ANXA4: variants seen among roughly 807,000 people sequenced by gnomAD.
The protein encoded by ANXA4 is annexin A4, also known as 35-beta calcimedin.
A neutral mutation model predicts 49.8 loss-of-function variants in ANXA4; 39 were observed. The observed-to-expected ratio is 0.78, with a 90% CI of 0.61 to 1.02. The LOEUF (loss-of-function observed/expected upper bound fraction) is 1.02, where lower values mean the gene tolerates loss of function less well. Ranked by LOEUF, ANXA4 falls within the 50% of genes least tolerant of loss-of-function variation. The pLI, the probability that ANXA4 is intolerant of heterozygous loss-of-function variation, is 0.00. For synonymous variants in ANXA4, 134 were observed against 152.5 expected, an observed-to-expected ratio of 0.88 and a Z score of 0.89; for missense variants, 360 against 410.1, an observed-to-expected ratio of 0.88 and a Z score of 1.05.
At chr2:69,741,441 C>G (rs779230900), upstream of ANXA4, among the ~76,000 whole-genome samples, 1 of 152,198 alleles carries the variant, frequency 6.6e-6, no homozygotes, top group Non-Finnish European at 1.5e-5. Flanking sequence ...AGTGTCTAAA[C>G]TTTAGTCACT....
chr2:69,678,687 G>A (rs1407265379), intron 2 of ANXA4, among the ~76,000 whole-genome samples: 2 of 151,992 alleles, frequency 1.3e-5, no homozygotes, highest in Non-Finnish European at 2.9e-5. Flanking sequence ...ATGAGCCACC[G>A]TGCCCAGCCC....
intron 2 of ANXA4, among the ~76,000 whole-genome samples, chr2:69,653,867 C>T (rs1676341678): frequency 6.6e-6 from 1 of 152,204 alleles, no homozygotes; most frequent in Admixed American, 6.5e-5. Flanking sequence ...CTATACATTA[C>T]TTTGGGCAGT....
At chr2:69,680,436 T>C (rs1677556157) in intron 2 of ANXA4, among the ~76,000 whole-genome samples, 1 of 152,194 alleles carries the variant, frequency 6.6e-6, no homozygotes, top group Non-Finnish European at 1.5e-5. Flanking sequence ...TATAAGATCA[T>C]GTCATCTGCA....
intron 2 of ANXA4, among the ~76,000 whole-genome samples, chr2:69,688,028 A>C (rs536739752): frequency 2.0e-5 from 3 of 152,306 alleles, no homozygotes; most frequent in Admixed American, 2.0e-4. Context: ...TCATTATTTA[A>C]ATTTTCCCAT....
intron 2 of ANXA4, among the ~76,000 whole-genome samples, chr2:69,718,336 C>T (rs1559107113): frequency 6.6e-6 from 1 of 152,214 alleles, no homozygotes; most frequent in Non-Finnish European, 1.5e-5. Flanking sequence ...CACCCCCACC[C>T]TCTGGATGTT....
intron 6 of ANXA4, 127 bp from the exon 7 acceptor site, chr2:69,810,467 G>GA (rs1250761869): frequency 1.1e-5 from 8 of 739,068 alleles, no homozygotes; most frequent in East Asian, 2.6e-5. Flanking sequence ...TGTGTGGGGT[G>GA]AAAAAACCTC....
intron 2 of ANXA4, among the ~76,000 whole-genome samples, chr2:69,710,491 T>G (rs1678642204): frequency 6.6e-6 from 1 of 151,666 alleles, no homozygotes; most frequent in South Asian, 2.1e-4. Flanking sequence ...TAAGTAACAT[T>G]GATATGGAAA....
chr2:69,701,581 AG>A (rs796572181), intron 2 of ANXA4, among the ~76,000 whole-genome samples: 30 of 152,230 alleles, frequency 2.0e-4, no homozygotes, highest in African/African-American at 7.2e-4. Context: ...CACTGTATGG[AG>A]GTATGTATTT....
chr2:69,716,614 C>T (rs187080530), intron 2 of ANXA4, among the ~76,000 whole-genome samples: 6 of 152,216 alleles, frequency 3.9e-5, no homozygotes, highest in African/African-American at 1.4e-4. Context: ...CATGCTCAAG[C>T]TCGTTTTGAG....
At chr2:69,803,075 C>T (rs1200301197) in intron 3 of ANXA4, among the ~76,000 whole-genome samples, 2 of 151,774 alleles carry the variant, frequency 1.3e-5, no homozygotes. Context: ...GTGGCAGGCA[C>T]CTGTAATCCC....
At chr2:69,804,154 AAAAAAT>A (rs1673336849) in intron 3 of ANXA4, among the ~76,000 whole-genome samples, 1 of 151,464 alleles carries the variant, frequency 6.6e-6, no homozygotes, top group African/African-American at 2.4e-5. Context: ...AAAAAAAAAA[AAAAAAT>A]ATTCTAGAGG....
At chr2:69,785,122 T>C (rs1020263203) in intron 2 of ANXA4, among the ~76,000 whole-genome samples, 3 of 152,130 alleles carry the variant, frequency 2.0e-5, no homozygotes, top group African/African-American at 7.2e-5. Flanking sequence ...GTCAGACATA[T>C]AGAGGGTGAT....
chr2:69,814,631 G>A (rs1328439581), intron 8 of ANXA4, among the ~76,000 whole-genome samples: 2 of 152,086 alleles, frequency 1.3e-5, no homozygotes, highest in Non-Finnish European at 2.9e-5. Flanking sequence ...TTACAGGCAT[G>A]AGCCACCGTG....
chr2:69,705,966 A>G (rs1678481200), intron 2 of ANXA4, among the ~76,000 whole-genome samples: 1 of 152,122 alleles, frequency 6.6e-6, no homozygotes, highest in Admixed American at 6.5e-5. Flanking sequence ...ATACTTCCTC[A>G]AAGTGCTTTA....
upstream of ANXA4, among the ~76,000 whole-genome samples, chr2:69,741,362 C>T (rs1670389709): frequency 6.6e-6 from 1 of 152,308 alleles, no homozygotes; most frequent in South Asian, 2.1e-4. Context: ...GCAGGGGAAG[C>T]AGATATGAAA....
chr2:69,708,438 A>T (rs1678570912), intron 2 of ANXA4, among the ~76,000 whole-genome samples: 1 of 152,224 alleles, frequency 6.6e-6, no homozygotes, highest in Admixed American at 6.5e-5. Context: ...TCTACAAAAA[A>T]TACAAAAATT....
At chr2:69,673,043 A>G (rs1677248246) in intron 2 of ANXA4, among the ~76,000 whole-genome samples, 1 of 152,218 alleles carries the variant, frequency 6.6e-6, no homozygotes, top group East Asian at 1.9e-4. Flanking sequence ...GTGGAGAAAT[A>G]AGAACACTTT....
intron 2 of ANXA4, among the ~76,000 whole-genome samples, chr2:69,665,719 A>G (rs762531309): frequency 1.3e-5 from 2 of 152,208 alleles, no homozygotes; most frequent in Non-Finnish European, 2.9e-5. Context: ...TGTAGACACA[A>G]GTGATAAAAA....
At chr2:69,816,042 T>A in intron 8 of ANXA4, 59 bp from the exon 9 acceptor site, 1 of 1,340,756 alleles carries the variant, frequency 7.5e-7, no homozygotes, top group Non-Finnish European at 1.1e-6. Flanking sequence ...TGGAAATATT[T>A]GCCTGTGTCC....
Sources: allele counts gnomAD v4.1 joint callset (sites outside exome capture counted in the v4.1 genomes callset), GRCh38; gene constraint gnomAD v4.1.1; transcripts MANE v1.5; gene names NCBI Gene and HGNC (gene_info 2026-07-23, HGNC 2026-07-21).